TMOD2: variants seen among roughly 807,000 people sequenced by gnomAD.
TMOD2 encodes the protein tropomodulin-2.
In TMOD2, 22 loss-of-function variants were observed where a neutral mutation model predicts 39.9. The observed-to-expected ratio is 0.55, with a 90% CI of 0.39 to 0.79. TMOD2 has a LOEUF of 0.79. TMOD2 is among the 30% of genes least tolerant of loss of function. The pLI, the probability that TMOD2 is intolerant of heterozygous loss-of-function variation, is 0.00. For synonymous variants in TMOD2, 123 were observed against 146.1 expected (o/e 0.84, Z 1.14); for missense variants, 386 against 413.3 (o/e 0.93, Z 0.57).
chr15:51,801,283 A>ACACACACACACC (rs1484824575), intron 8 of TMOD2, among the ~76,000 whole-genome samples: 8 of 125,954 alleles, frequency 6.4e-5, no homozygotes, highest in African/African-American at 2.5e-4. Flanking sequence ...ACACACACAC[A>ACACACACACACC]CCCTGTCTCT....
At chr15:51,757,744 G>T (rs2055752400) in intron 1 of TMOD2, among the ~76,000 whole-genome samples, 2 of 152,228 alleles carry the variant, frequency 1.3e-5, no homozygotes, top group African/African-American at 4.8e-5. Flanking sequence ...GGGAGCCCTT[G>T]GGCAGCCTTG....
intron 1 of TMOD2, among the ~76,000 whole-genome samples, chr15:51,755,408 A>G (rs908808512): frequency 2.6e-5 from 4 of 152,178 alleles, no homozygotes; most frequent in African/African-American, 2.4e-5. Flanking sequence ...CACATGTGTC[A>G]TCACTATTCC....
At chr15:51,771,847 C>T (rs2055856099) in intron 3 of TMOD2, among the ~76,000 whole-genome samples, 1 of 152,118 alleles carries the variant, frequency 6.6e-6, no homozygotes, top group African/African-American at 2.4e-5. Context: ...GGCCATCCTC[C>T]TAATTTGTTT....
At position 51,806,479 on chromosome 15, in the gene TMOD2, C is replaced by T. The variant is rs1054663925; in HGVS notation, c.979C>T (p.Arg327Ter). The T allele has an allele frequency of 3.7e-6, 6 of 1,614,058 alleles. No individual in the cohort carries two copies. The highest frequency in any genetic ancestry group is 3.3e-5 in the Admixed American group (2 of 60,002). Reference sequence around the variant, plus strand: ...ATACCAGTTTACCAAGCAAGGGCCACGAACAAGGGTGGCAGCTGCCATCAC... The same window carrying T: ...ATACCAGTTTACCAAGCAAGGGCCATGAACAAGGGTGGCAGCTGCCATCAC... ...FGYQFTKQGP[R>*]TRVAAAITKN... Residue 327 changes from arginine (R) to a stop codon, truncating the protein, a stop_gained, in exon 9 of 10, where the codon CGA (arginine) becomes TGA (stop). Transcript: ENST00000249700. LOFTEE classifies it high-confidence loss of function.
Position 51,773,744 on chromosome 15 carries a change from G to T in TMOD2, c.316G>T (p.Glu106Ter). ...RVFIPKEKPIETRKEEKVTLD... is the reference protein window; with the variant it reads ...RVFIPKEKPI ...CTTTATCCCTAAAGAAAAGCCTATA[G>T]AAACTCGTAAAGAAGAAAAAGTGAC... is the stretch of plus-strand genomic sequence containing the variant. Residue 106 changes from glutamate to a stop codon, truncating the protein, a stop_gained, in exon 4 of 10, where the codon GAA becomes TAA. Transcript: ENST00000249700. LOFTEE classifies it high-confidence loss of function. The T allele has an allele frequency of 6.2e-7, 1 of 1,612,594 alleles. No homozygotes were observed. Among genetic ancestry groups the T allele is most frequent in the Non-Finnish European group, 8.5e-7 (1 of 1,179,530 alleles).
rs781226484 is a variant in TMOD2, at chr15:51,766,508, A to G, written c.67A>G (p.Lys23Glu). 6.2e-7 allele frequency: 1 copy of G among 1,614,142 alleles called. No homozygotes were observed. The highest frequency in any genetic ancestry group is 1.1e-5 in the South Asian group (1 of 91,086). The part of the protein sequence containing the change: ...KNIDEDELLG[K>E]LSEEELKQLE... ...CATTGATGAAGATGAGCTTCTTGGC[A>G]AACTCTCAGAAGAGGAACTGAAACA... Residue 23 changes from lysine to glutamate, a missense_variant, in exon 2 of 10, where the codon AAA becomes GAA. Lys to Glu is a moderately conservative substitution (Grantham distance 56). Coordinates refer to ENST00000249700, the MANE Select transcript of TMOD2 (RefSeq NM_014548.4).
chr15:51,773,071 C>T (rs1477931006), intron 3 of TMOD2, among the ~76,000 whole-genome samples: 2 of 152,166 alleles, frequency 1.3e-5, no homozygotes, highest in Non-Finnish European at 2.9e-5. Flanking sequence ...CTCAAACACA[C>T]ATGTTGGACA....
chr15:51,790,639 C>T (rs906965332), intron 7 of TMOD2, among the ~76,000 whole-genome samples: 2 of 152,150 alleles, frequency 1.3e-5, no homozygotes, highest in African/African-American at 4.8e-5. Context: ...AGCAGCACAT[C>T]AAAAAGCTTA....
intron 8 of TMOD2, among the ~76,000 whole-genome samples, chr15:51,800,826 C>A (rs945446806): frequency 6.6e-6 from 1 of 152,158 alleles, no homozygotes; most frequent in African/African-American, 2.4e-5. Flanking sequence ...CCACTTCAGC[C>A]TTCTGAGTAA....
chr15:51,780,447 A>G (rs984550133), intron 5 of TMOD2, among the ~76,000 whole-genome samples: 1 of 152,140 alleles, frequency 6.6e-6, no homozygotes, highest in African/African-American at 2.4e-5. Context: ...TTATTGGTTC[A>G]TTTTTAATTG....
At position 51,814,771 on chromosome 15, in the gene TMOD2, T is replaced by G. The variant is rs1279560993; in HGVS notation, c.*6317T>G. 1 of 152,228 alleles carries G rather than the reference T, an allele frequency of 6.6e-6. No homozygotes were observed. 9.4% of individuals were successfully genotyped at this position (152,228 alleles called of 1,614,324 possible). A position where few individuals can be genotyped will look rare whatever the true frequency, so the allele number is the denominator to read the frequency against. On this transcript the variant is annotated 3_prime_UTR_variant, in exon 10 of 10. Transcript: ENST00000249700. ...CTTCCAGCTCCAATACTTGACAAGC[T>G]TGTGATTCTAAATCGTTTCCGTTGC...
At chr15:51,756,115 C>T (rs151294686) in intron 1 of TMOD2, among the ~76,000 whole-genome samples, 16 of 152,218 alleles carry the variant, frequency 1.1e-4, no homozygotes, top group African/African-American at 2.6e-4. Context: ...AAGACAACAG[C>T]GGGAAATAGG....
At chr15:51,786,791 A>G (rs545158750) in intron 7 of TMOD2, among the ~76,000 whole-genome samples, 20 of 152,368 alleles carry the variant, frequency 1.3e-4, no homozygotes, top group South Asian at 6.2e-4. Context: ...GTTATTTACA[A>G]TGATGCCACA....
At chr15:51,772,315 A>C (rs893141957) in intron 3 of TMOD2, among the ~76,000 whole-genome samples, 2 of 152,224 alleles carry the variant, frequency 1.3e-5, no homozygotes, top group Non-Finnish European at 2.9e-5. Context: ...AGCTTCAAAA[A>C]AGAGAGAAAC....
chr15:51,796,552 C>A (rs958762023), intron 7 of TMOD2, among the ~76,000 whole-genome samples: 1 of 152,062 alleles, frequency 6.6e-6, no homozygotes, highest in African/African-American at 2.4e-5. Context: ...ATACCTGAAA[C>A]CACAGATAGT....
chr15:51,796,154 C>T (rs946610856), intron 7 of TMOD2, among the ~76,000 whole-genome samples: 1 of 152,014 alleles, frequency 6.6e-6, no homozygotes, highest in Non-Finnish European at 1.5e-5. Context: ...TTGTATCTAT[C>T]TGTTTTACCA....
chr15:51,807,223 C>T (rs1339013156), intron 9 of TMOD2, among the ~76,000 whole-genome samples: 1 of 152,206 alleles, frequency 6.6e-6, no homozygotes, highest in Admixed American at 6.5e-5. Flanking sequence ...AGGCTTCAAT[C>T]CCCAGTTTGA....
intron 7 of TMOD2, among the ~76,000 whole-genome samples, chr15:51,793,404 T>C (rs557699802): frequency 6.6e-6 from 1 of 152,320 alleles, no homozygotes; most frequent in East Asian, 1.9e-4. Flanking sequence ...CCAGTGTGTT[T>C]TATGTTTGCA....
intron 4 of TMOD2, among the ~76,000 whole-genome samples, chr15:51,775,570 CTTTTTTTTTTTTTT>C (rs869308022): frequency 3.7e-5 from 3 of 81,210 alleles, no homozygotes; most frequent in African/African-American, 5.2e-5. Flanking sequence ...ATTCTTTTTC[CTTTTTTTTTTTTTT>C]TTTTTTTTTT....
Sources: allele counts gnomAD v4.1 joint callset (sites outside exome capture counted in the v4.1 genomes callset), GRCh38; gene constraint gnomAD v4.1.1; transcripts MANE v1.5; gene names NCBI Gene and HGNC (gene_info 2026-07-23, HGNC 2026-07-21).